Variants in RASSF6 observed in about 807,000 individuals in gnomAD.
RASSF6 encodes ras association domain-containing protein 6.
RASSF6 carries 52 observed loss-of-function variants against 44.0 expected under a neutral mutation model. That is an observed-to-expected ratio of 1.18 (90% CI 0.95 to 1.49). The LOEUF (loss-of-function observed/expected upper bound fraction) is 1.49. Among genes scored for constraint, RASSF6 ranks in the 40% most tolerant of loss-of-function variants. The pLI is 0.00. For missense variants in RASSF6, 464 were observed against 393.3 expected, an observed-to-expected ratio of 1.18 and a Z score of -1.52; for synonymous variants, 162 against 124.6, an observed-to-expected ratio of 1.30 and a Z score of -2.00.
chr4:73,588,261 G>A (rs1230865228), intron 4 of RASSF6, among the ~76,000 whole-genome samples: 1 of 151,954 alleles, frequency 6.6e-6, no homozygotes, highest in Non-Finnish European at 1.5e-5. Context: ...TTGTTATAAA[G>A]ATATTTCACA....
chr4:73,580,760 A>G (rs1425753903), intron 8 of RASSF6, among the ~76,000 whole-genome samples: 2 of 107,898 alleles, frequency 1.9e-5, no homozygotes, highest in East Asian at 7.2e-4. Flanking sequence ...TTCATTGTAG[A>G]TTCTGGATAT....
chr4:73,618,139 C>T (rs966489549), intron 1 of RASSF6, among the ~76,000 whole-genome samples: 3 of 152,094 alleles, frequency 2.0e-5, no homozygotes, highest in Middle Eastern at 3.4e-3. Flanking sequence ...TTAATTTTTT[C>T]GTAATCATTG....
intron 3 of RASSF6, 22 bp from the exon 4 acceptor site, chr4:73,593,615 C>G: frequency 6.2e-7 from 1 of 1,605,520 alleles, no homozygotes; most frequent in Non-Finnish European, 8.5e-7. Context: ...ATGAATAATC[C>G]CCCAATTGTT....
rs141864264 is a variant in RASSF6, at chr4:73,585,192, G to C, written c.555C>G (p.Phe185Leu). Reference protein sequence around the residue: ...QKNRASINGHFYNHETSIFIP... With the variant: ...QKNRASINGHLYNHETSIFIP... The stretch of plus-strand genomic sequence containing the variant: ...GTAACTCACTTACTTCATGGTTATA[G>C]AAGTGTCCATTAATAGAGGCTCTAT... The change falls in exon 6 of 11, where the codon TTC becomes TTG. Residue 185 changes from phenylalanine to leucine, a missense_variant. By Grantham distance (22) the Phe-to-Leu change is conservative (BLOSUM62 0). Coordinates refer to ENST00000307439, the MANE Select transcript of RASSF6 (RefSeq NM_177532.5). The C allele has an allele frequency of 6.2e-7, 1 of 1,602,166 alleles. No homozygotes were observed. Among genetic ancestry groups the C allele is most frequent in the Non-Finnish European group, 8.5e-7 (1 of 1,175,046 alleles).
chr4:73,586,315 T>C (rs1724084632), intron 5 of RASSF6, among the ~76,000 whole-genome samples: 1 of 151,986 alleles, frequency 6.6e-6, no homozygotes, highest in South Asian at 2.1e-4. Flanking sequence ...TCATAATTGA[T>C]TAGTCAAAAT....
At chr4:73,613,833 A>G (rs1726178207) in intron 1 of RASSF6, among the ~76,000 whole-genome samples, 1 of 152,024 alleles carries the variant, frequency 6.6e-6, no homozygotes. Flanking sequence ...CCTTTGTATG[A>G]TCACTAAATA....
intron 1 of RASSF6, among the ~76,000 whole-genome samples, chr4:73,612,432 A>T (rs750404508): frequency 1.3e-5 from 2 of 151,910 alleles, no homozygotes. Flanking sequence ...ATAAGATTTT[A>T]GGGGATAGAG....
At chr4:73,585,053 C>A (rs1161177139) in intron 6 of RASSF6, 127 bp downstream of exon 6, 3 of 581,698 alleles carry the variant, frequency 5.2e-6, no homozygotes, top group East Asian at 2.9e-5. Context: ...ATAGAGAGTG[C>A]CCCCAAGATG....
rs1578010920 is a variant in RASSF6, at chr4:73,575,531, G to T, written c.*704C>A. 1 of 151,852 alleles carries T rather than the reference G, an allele frequency of 6.6e-6. No individual in the cohort carries two copies. The highest frequency in any genetic ancestry group is 2.4e-5 in the African/African-American group (1 of 41,342). 9.4% of individuals were successfully genotyped at this position (151,852 alleles called of 1,614,324 possible). On this transcript the variant is annotated 3_prime_UTR_variant, in exon 11 of 11. Transcript: ENST00000307439. ...AACATTTTTTTGAAAAATAAATAAA[G>T]AAAAAGTTCAATTAACTTAAAAAAG...
At chr4:73,619,867 T>A (rs1247595) in intron 1 of RASSF6, among the ~76,000 whole-genome samples, 149,779 of 152,198 alleles carry the variant, frequency 0.98, 73,734 homozygotes, top group East Asian at 1. Flanking sequence ...CTCAATTAAG[T>A]TCTTTCCAGT....
At chr4:73,576,367 A>G in intron 10 of RASSF6, 43 bp downstream of exon 10, 1 of 1,463,412 alleles carries the variant, frequency 6.8e-7, no homozygotes, top group East Asian at 2.3e-5. Context: ...TGCATTGGAC[A>G]TATTAAAGAA....
chr4:73,598,579 T>TGC (rs1368321070), intron 3 of RASSF6, 61 bp downstream of exon 3: 3 of 781,720 alleles, frequency 3.8e-6, no homozygotes, highest in African/African-American at 3.6e-5. Flanking sequence ...TGTGTGTGTG[T>TGC]GTGTGTGCAC....
intron 3 of RASSF6, 50 bp downstream of exon 3, chr4:73,598,590 G>T: frequency 3.7e-6 from 3 of 811,136 alleles, no homozygotes; most frequent in Non-Finnish European, 6.0e-6. Flanking sequence ...GTGTGTGCAC[G>T]CATGTGTGTG....
intron 8 of RASSF6, among the ~76,000 whole-genome samples, chr4:73,578,744 G>A (rs1177163351): frequency 6.6e-6 from 1 of 151,856 alleles, no homozygotes; most frequent in Non-Finnish European, 1.5e-5. Flanking sequence ...GAGTAGCTGG[G>A]ATTACAGGTG....
intron 4 of RASSF6, among the ~76,000 whole-genome samples, chr4:73,588,199 G>A (rs1467233688): frequency 6.6e-6 from 1 of 151,962 alleles, no homozygotes; most frequent in Non-Finnish European, 1.5e-5. Flanking sequence ...AAGTTATATA[G>A]ATTCTGTAAA....
At position 73,572,014 on chromosome 4, in the gene RASSF6, C is replaced by T. The variant is rs945862974; in HGVS notation, c.*4221G>A. 5 of 152,138 alleles carry T rather than the reference C, an allele frequency of 3.3e-5. No individual in the cohort carries two copies. The highest frequency in any genetic ancestry group is 1.2e-4 in the African/African-American group (5 of 41,404). The allele number at this position is 152,138 out of a possible 1,614,324, so 9.4% of individuals were successfully genotyped here. On this transcript the variant is annotated 3_prime_UTR_variant, in exon 11 of 11. Coordinates refer to ENST00000307439, the MANE Select transcript of RASSF6 (RefSeq NM_177532.5). ...GCGTACTACAACAAACACTTCTTAT[C>T]TCATACAGTTTCTGAGGATGAGGAA...
intron 2 of RASSF6, among the ~76,000 whole-genome samples, chr4:73,611,093 C>T (rs1028431480): frequency 1.3e-5 from 2 of 152,068 alleles, no homozygotes; most frequent in Admixed American, 6.5e-5. Context: ...TGGCTTTTTT[C>T]CTTTTTCCAC....
chr4:73,589,281 A>G (rs1332675982), intron 4 of RASSF6, among the ~76,000 whole-genome samples: 1 of 152,166 alleles, frequency 6.6e-6, no homozygotes, highest in Non-Finnish European at 1.5e-5. Context: ...CCAGGTCCTG[A>G]CTCAGAATCT....
chr4:73,602,697 G>T (rs1018110935), intron 2 of RASSF6, among the ~76,000 whole-genome samples: 4 of 152,148 alleles, frequency 2.6e-5, no homozygotes, highest in African/African-American at 9.7e-5. Context: ...ACTGTTTGAT[G>T]GCCCTTAAAA....
Sources: gnomAD v4.1 joint callset for allele counts (sites outside exome capture counted in the v4.1 genomes callset) on GRCh38, gnomAD v4.1.1 for gene constraint, MANE v1.5 for transcripts, NCBI Gene and HGNC (gene_info 2026-07-23, HGNC 2026-07-21) for gene names.